Variants in DSE observed in about 807,000 individuals in gnomAD.
DSE encodes the protein dermatan sulfate epimerase, also known as dermatan-sulfate epimerase.
In DSE, 36 loss-of-function variants were observed where a neutral mutation model predicts 84.4. The observed-to-expected ratio is 0.43, with a 90% CI of 0.33 to 0.56. DSE has a LOEUF of 0.56. Among genes scored for constraint, DSE ranks in the 20% least tolerant of loss-of-function variants. The pLI is 0.06. For missense variants in DSE, 862 were observed against 1,169.6 expected (o/e 0.74, Z 3.84); for synonymous variants, 410 against 430.1 (o/e 0.95, Z 0.58).
intron 2 of DSE, among the ~76,000 whole-genome samples, chr6:116,275,485 C>T (rs181424910): frequency 3.3e-5 from 5 of 152,186 alleles, no homozygotes; most frequent in Non-Finnish European, 5.9e-5. Flanking sequence ...CAATATTTAT[C>T]TGCTGACAAC....
At chr6:116,385,332 T>C (rs952830652) in intron 1 of DSE, among the ~76,000 whole-genome samples, 1 of 152,196 alleles carries the variant, frequency 6.6e-6, no homozygotes, top group Non-Finnish European at 1.5e-5. Context: ...ACAGGATCAC[T>C]CTGGCTTCTA....
chr6:116,364,925 T>C (rs954499160), intron 2 of DSE, among the ~76,000 whole-genome samples: 49 of 148,870 alleles, frequency 3.3e-4, no homozygotes, highest in African/African-American at 1.2e-3. Flanking sequence ...CCTCTGCCTC[T>C]TGGGTTCCAG....
intron 2 of DSE, among the ~76,000 whole-genome samples, chr6:116,297,130 C>T (rs1353322269): frequency 6.6e-6 from 1 of 152,092 alleles, no homozygotes; most frequent in Non-Finnish European, 1.5e-5. Context: ...TTTGCATGCA[C>T]TGTTTCAGTG....
chr6:116,325,178 G>A (rs1162698485), intron 2 of DSE, among the ~76,000 whole-genome samples: 1 of 152,204 alleles, frequency 6.6e-6, no homozygotes, highest in Admixed American at 6.5e-5. Flanking sequence ...AAGTCACTGG[G>A]AAAAGGTGGA....
chr6:116,312,700 A>T (rs1005501462), intron 2 of DSE, among the ~76,000 whole-genome samples: 1 of 152,132 alleles, frequency 6.6e-6, no homozygotes, highest in East Asian at 1.9e-4. Flanking sequence ...AGATATTATT[A>T]TTTTCTCTAT....
chr6:116,392,438 G>C (rs1780968898), intron 1 of DSE, among the ~76,000 whole-genome samples: 1 of 152,136 alleles, frequency 6.6e-6, no homozygotes, highest in African/African-American at 2.4e-5. Flanking sequence ...TAGTGTGGGG[G>C]ATTATTCCTA....
chr6:116,351,553 G>A (rs1778311518), intron 2 of DSE, among the ~76,000 whole-genome samples: 1 of 151,872 alleles, frequency 6.6e-6, no homozygotes, highest in Admixed American at 6.6e-5. Flanking sequence ...TTATAGTGAT[G>A]TTTGTTATTT....
chr6:116,298,905 A>C (rs571264890), intron 2 of DSE, among the ~76,000 whole-genome samples: 15 of 152,202 alleles, frequency 9.9e-5, no homozygotes, highest in African/African-American at 3.6e-4. Flanking sequence ...CTAAATAAAA[A>C]ATCGTTTTGG....
chr6:116,418,623 A>T (rs1782874142), intron 2 of DSE, among the ~76,000 whole-genome samples: 1 of 152,100 alleles, frequency 6.6e-6, no homozygotes, highest in Non-Finnish European at 1.5e-5. Context: ...TCTTGCTGTC[A>T]TGAAAATGGC....
chr6:116,373,670 G>A (rs1366411313), intron 1 of DSE, among the ~76,000 whole-genome samples: 3 of 152,198 alleles, frequency 2.0e-5, no homozygotes, highest in Non-Finnish European at 2.9e-5. Context: ...GCTGCCCTGA[G>A]AGGACCTGGT....
intron 2 of DSE, among the ~76,000 whole-genome samples, chr6:116,329,134 C>T (rs1359368923): frequency 6.6e-6 from 1 of 152,124 alleles, no homozygotes; most frequent in Non-Finnish European, 1.5e-5. Flanking sequence ...TTTATTATTA[C>T]TTATTATTTA....
intron 2 of DSE, among the ~76,000 whole-genome samples, chr6:116,336,706 G>A (rs1387297700): frequency 6.8e-6 from 1 of 147,690 alleles, no homozygotes; most frequent in Non-Finnish European, 1.5e-5. Flanking sequence ...AATGAGCTGA[G>A]ATCATGCCAT....
At chr6:116,390,306 T>C (rs1022485427) in intron 1 of DSE, among the ~76,000 whole-genome samples, 1 of 152,094 alleles carries the variant, frequency 6.6e-6, no homozygotes, top group Non-Finnish European at 1.5e-5. Context: ...TGGGCTCAAG[T>C]GCTGCAACTG....
rs753488158 is a variant in DSE at position 116,418,122 on chromosome 6, A to G, written c.417-8452A>G. ...TGGCAATTATCGAGGGTAGAATTCTATCCTCCCACAGAGACTGAAAGACAG... is the reference window on the plus strand; with the variant it reads ...TGGCAATTATCGAGGGTAGAATTCTGTCCTCCCACAGAGACTGAAAGACAG... On this transcript the variant is annotated intron_variant, in intron 2 of 5. Transcript: ENST00000644252. 7.9e-4 allele frequency among the ~76,000 whole-genome samples: 121 copies of G among 152,256 alleles called. 3 individuals carry two copies. The highest frequency in any genetic ancestry group is 6.3e-4 in the Non-Finnish European group (43 of 67,992).
intron 2 of DSE, among the ~76,000 whole-genome samples, chr6:116,401,519 CA>C (rs1781591583): frequency 1.3e-5 from 2 of 152,060 alleles, no homozygotes; most frequent in Non-Finnish European, 2.9e-5. Context: ...TTTCTAGTTG[CA>C]AAAGTGAACT....
intron 2 of DSE, among the ~76,000 whole-genome samples, chr6:116,358,528 G>A (rs361516): frequency 6.6e-6 from 1 of 152,188 alleles, no homozygotes; most frequent in Non-Finnish European, 1.5e-5. Flanking sequence ...GAAGACTCCA[G>A]ATCAACCAGG....
At chr6:116,274,904 A>G (rs1773054302) in intron 2 of DSE, among the ~76,000 whole-genome samples, 1 of 152,238 alleles carries the variant, frequency 6.6e-6, no homozygotes, top group African/African-American at 2.4e-5. Flanking sequence ...ATATGCTTTC[A>G]GATATTCCTC....
intron 2 of DSE, chr6:116,279,644 G>A (rs1773376770): frequency 6.2e-6 from 10 of 1,604,874 alleles, no homozygotes; most frequent in Non-Finnish European, 7.6e-6. Flanking sequence ...TCTGAAGGCG[G>A]TGGAGGCGGG....
intron 2 of DSE, among the ~76,000 whole-genome samples, chr6:116,290,116 G>A (rs1351692365): frequency 2.6e-5 from 4 of 152,058 alleles, no homozygotes; most frequent in Non-Finnish European, 1.5e-5. Flanking sequence ...TGACTAATAA[G>A]TAATGGAGTA....
Sources: gnomAD v4.1 joint callset for allele counts (sites outside exome capture counted in the v4.1 genomes callset) on GRCh38, gnomAD v4.1.1 for gene constraint, MANE v1.5 for transcripts, NCBI Gene and HGNC (gene_info 2026-07-23, HGNC 2026-07-21) for gene names.